CLVS1: variants seen among roughly 807,000 people sequenced by gnomAD.
The protein encoded by CLVS1 is clavesin-1.
In CLVS1, 10 loss-of-function variants were observed where a neutral mutation model predicts 33.1. The ratio of observed to expected loss-of-function variants is 0.30; its 90% CI spans 0.19 to 0.51. CLVS1 has a LOEUF of 0.51. Among genes scored for constraint, CLVS1 ranks in the 20% least tolerant of loss-of-function variants. The probability of loss-of-function intolerance (pLI) is 0.97; values close to 1 mark genes in which losing one functional copy is unlikely to be tolerated. For synonymous variants in CLVS1, 163 were observed against 166.1 expected (o/e 0.98, Z 0.14); for missense variants, 343 against 433.4 (o/e 0.79, Z 1.85).
intron 3 of CLVS1, among the ~76,000 whole-genome samples, chr8:61,387,811 G>T (rs901869313): frequency 6.6e-6 from 1 of 152,066 alleles, no homozygotes; most frequent in Non-Finnish European, 1.5e-5. Context: ...CCATTAGTTT[G>T]TTCCTTTCTG....
chr8:61,017,672 GA>G, the CLVS1 span, among the ~76,000 whole-genome samples: 9 of 152,240 alleles, frequency 5.9e-5, no homozygotes, highest in Non-Finnish European at 7.3e-5. Context: ...GAGGCCAGCT[GA>G]AAAGTATCCC....
At chr8:61,451,352 G>T (rs917058257) in intron 3 of CLVS1, among the ~76,000 whole-genome samples, 3 of 152,000 alleles carry the variant, frequency 2.0e-5, no homozygotes, top group African/African-American at 7.2e-5. Flanking sequence ...TGTAGAATGT[G>T]TATAGTTTAT....
the CLVS1 span, among the ~76,000 whole-genome samples, chr8:61,051,328 T>C: frequency 3.3e-5 from 5 of 152,232 alleles, no homozygotes; most frequent in African/African-American, 1.2e-4. Context: ...AGGAGGACAT[T>C]GGACTTGAGG....
At chr8:61,033,839 C>T in the CLVS1 span, among the ~76,000 whole-genome samples, 1 of 152,232 alleles carries the variant, frequency 6.6e-6, no homozygotes. Context: ...AGTCTTAGAA[C>T]ATATGACATT....
intron 3 of CLVS1, among the ~76,000 whole-genome samples, chr8:61,382,110 TCCAAAGTG>T (rs1240517746): frequency 3.2e-4 from 49 of 152,244 alleles, no homozygotes; most frequent in African/African-American, 1.1e-3. Context: ...CTTTGGCAAA[TCCAAAGTG>T]CCATATTCAC....
chr8:61,036,394 G>A, the CLVS1 span, among the ~76,000 whole-genome samples: 5 of 152,222 alleles, frequency 3.3e-5, no homozygotes, highest in African/African-American at 1.2e-4. Flanking sequence ...TGCAGGTGGG[G>A]CAGCAACCTG....
At chr8:61,389,424 C>T (rs1358707324) in intron 3 of CLVS1, among the ~76,000 whole-genome samples, 1 of 152,060 alleles carries the variant, frequency 6.6e-6, no homozygotes, top group Non-Finnish European at 1.5e-5. Flanking sequence ...GCCTGTAGTC[C>T]CAGCTACTCG....
At chr8:61,166,924 G>T (rs1344318484) in intron 2 of CLVS1, among the ~76,000 whole-genome samples, 3 of 129,822 alleles carry the variant, frequency 2.3e-5, no homozygotes, top group Non-Finnish European at 3.4e-5. Context: ...TTTGGATCCT[G>T]TTTTTTCCAT....
chr8:61,357,489 C>CTTTTATTTTTTTTT (rs1462908906), intron 2 of CLVS1, among the ~76,000 whole-genome samples: 4 of 30,268 alleles, frequency 1.3e-4, no homozygotes, highest in Middle Eastern at 0.019. Context: ...TTTCCTTTTT[C>CTTTTATTTTTTTTT]TTTTCTTTTT....
chr8:61,479,001 G>A (rs1015383211), intron 5 of CLVS1, among the ~76,000 whole-genome samples: 8 of 152,100 alleles, frequency 5.3e-5, no homozygotes, highest in Non-Finnish European at 1.0e-4. Flanking sequence ...TTTCTCTCTG[G>A]CTGCCCTTAA....
intron 2 of CLVS1, among the ~76,000 whole-genome samples, chr8:61,234,926 G>A (rs1248417643): frequency 1.3e-5 from 2 of 152,130 alleles, no homozygotes; most frequent in Non-Finnish European, 2.9e-5. Flanking sequence ...GCATCTCTAC[G>A]GAGCAGGCTG....
At chr8:61,186,267 T>C (rs897917160) in intron 2 of CLVS1, among the ~76,000 whole-genome samples, 1 of 152,240 alleles carries the variant, frequency 6.6e-6, no homozygotes, top group Non-Finnish European at 1.5e-5. Flanking sequence ...GCATTTACTT[T>C]CTGCAAGATT....
chr8:61,483,929 T>C (rs1402018098), intron 5 of CLVS1, among the ~76,000 whole-genome samples: 1 of 152,162 alleles, frequency 6.6e-6, no homozygotes, highest in Non-Finnish European at 1.5e-5. Flanking sequence ...ATAAATTAGG[T>C]ATTGATGGGA....
chr8:61,242,336 C>T (rs1808713552), intron 2 of CLVS1, among the ~76,000 whole-genome samples: 1 of 151,888 alleles, frequency 6.6e-6, no homozygotes, highest in African/African-American at 2.4e-5. Context: ...TGTATTTTTC[C>T]AATCTTTTTT....
chr8:61,435,895 G>C (rs1215119393), intron 3 of CLVS1, among the ~76,000 whole-genome samples: 1 of 152,056 alleles, frequency 6.6e-6, no homozygotes, highest in African/African-American at 2.4e-5. Flanking sequence ...TCTTTCCCCT[G>C]ATTGTAAGAG....
In CLVS1 at chr8:61,288,123, G is replaced by T. The variant is rs1007404308; in HGVS notation, c.-167G>T. The T allele has an allele frequency of 3.3e-5, 15 of 456,308 alleles. No homozygotes were observed. Among genetic ancestry groups the T allele is most frequent in the Admixed American group, 7.0e-5 (3 of 42,592 alleles). The allele number at this position is 456,308 out of a possible 1,614,324, so 28.3% of individuals were successfully genotyped here. ...AGAAATACATTCCCAAAGCAAGGCT[G>T]GGCGGCCGTGTGAAGGTATTTGTTA... On this transcript the variant is annotated 5_prime_UTR_variant, in exon 1 of 6. Coordinates refer to ENST00000325897, the MANE Select transcript of CLVS1 (RefSeq NM_173519.3).
chr8:61,202,737 G>A (rs538037902), intron 2 of CLVS1: 8 of 1,574,206 alleles, frequency 5.1e-6, no homozygotes, highest in Non-Finnish European at 6.9e-6. Flanking sequence ...AAGATGAAGA[G>A]GAGGAGGATG....
chr8:61,068,231 A>ATG (rs1265176169), intron 1 of CLVS1, among the ~76,000 whole-genome samples: 7 of 140,486 alleles, frequency 5.0e-5, no homozygotes, highest in African/African-American at 2.0e-4. Flanking sequence ...ATGTATGTGT[A>ATG]TATATATATA....
intron 2 of CLVS1, among the ~76,000 whole-genome samples, chr8:61,340,651 G>A (rs1295354812): frequency 6.6e-6 from 1 of 152,162 alleles, no homozygotes; most frequent in Non-Finnish European, 1.5e-5. Flanking sequence ...AACACAGAAT[G>A]CAGATACCAT....
Sources: gnomAD v4.1 joint callset for allele counts (sites outside exome capture counted in the v4.1 genomes callset) on GRCh38, gnomAD v4.1.1 for gene constraint, MANE v1.5 for transcripts, NCBI Gene and HGNC (gene_info 2026-07-23, HGNC 2026-07-21) for gene names.